MAL2: variants seen among roughly 807,000 people sequenced by gnomAD.
MAL2 encodes the protein mal, T cell differentiation protein 2.
A neutral mutation model predicts 18.1 loss-of-function variants in MAL2; 17 were observed. The observed-to-expected ratio is 0.94, with a 90% confidence interval of 0.64 to 1.41. MAL2 has a LOEUF of 1.41. Among genes scored for constraint, MAL2 ranks in the 40% most tolerant of loss-of-function variants. The pLI, the probability that MAL2 is intolerant of heterozygous loss-of-function variation, is 0.00. For synonymous variants in MAL2, 102 were observed against 102.3 expected, an observed-to-expected ratio of 1.00 and a Z score of 0.02; for missense variants, 222 against 231.9, an observed-to-expected ratio of 0.96 and a Z score of 0.28.
intron 2 of MAL2, among the ~76,000 whole-genome samples, chr8:119,232,858 TTAG>T (rs1817763342): frequency 6.6e-6 from 1 of 152,232 alleles, no homozygotes; most frequent in Non-Finnish European, 1.5e-5. Context: ...TTACATATTA[TTAG>T]GAGCAGGTTG....
At chr8:119,236,427 C>T (rs1817895546) in intron 2 of MAL2, among the ~76,000 whole-genome samples, 1 of 151,616 alleles carries the variant, frequency 6.6e-6, no homozygotes, top group African/African-American at 2.4e-5. Flanking sequence ...TTGAACTCAG[C>T]TCTGCACCAA....
intron 2 of MAL2, 23 bp downstream of exon 2, chr8:119,221,780 C>T (rs779662212): frequency 1.2e-6 from 2 of 1,610,298 alleles, no homozygotes; most frequent in African/African-American, 2.7e-5. Flanking sequence ...TATTTTAAGT[C>T]TATTGCAGGA....
At chr8:119,235,769 G>C (rs1233744345) in intron 2 of MAL2, among the ~76,000 whole-genome samples, 1 of 147,064 alleles carries the variant, frequency 6.8e-6, no homozygotes, top group Non-Finnish European at 1.5e-5. Context: ...CACCAGGCCT[G>C]CCCTAAAAGA....
intron 2 of MAL2, among the ~76,000 whole-genome samples, chr8:119,230,313 T>A (rs141218105): frequency 2.0e-3 from 309 of 151,682 alleles, no homozygotes; most frequent in African/African-American, 7.2e-3. Flanking sequence ...GCGAGAAGTG[T>A]GTTGGGAATT....
intron 2 of MAL2, 151 bp from the exon 3 acceptor site, chr8:119,240,014 C>A: frequency 1.2e-6 from 1 of 849,088 alleles, no homozygotes; most frequent in Non-Finnish European, 1.7e-6. Flanking sequence ...GATAGTCTAA[C>A]ATTTCTAAAG....
rs569244891 is a variant in MAL2, at chr8:119,244,491, T to G, written c.*1003T>G. The G allele has an allele frequency of 3.7e-4, 56 of 152,322 alleles. No homozygotes were observed. Among genetic ancestry groups the G allele is most frequent in the African/African-American group, 1.3e-3 (53 of 41,586 alleles). 9.4% of individuals were successfully genotyped at this position (152,322 alleles called of 1,614,324 possible). A position where few individuals can be genotyped will look rare whatever the true frequency, so the allele number is the denominator to read the frequency against. ...AACTGGTATCTAGCTACTGATGTCT[T>G]ACTTTGAGTTTATTTATGCTTCAGA... On this transcript the variant is annotated 3_prime_UTR_variant, in exon 4 of 4. Coordinates refer to ENST00000614891, the MANE Select transcript of MAL2 (RefSeq NM_052886.3).
At chr8:119,239,160 A>G (rs1312614590) in intron 2 of MAL2, among the ~76,000 whole-genome samples, 1 of 152,256 alleles carries the variant, frequency 6.6e-6, no homozygotes, top group Admixed American at 6.5e-5. Flanking sequence ...TGCAGCCAAA[A>G]AACACATGAA....
chr8:119,237,483 C>CA (rs990761651), intron 2 of MAL2, among the ~76,000 whole-genome samples: 1 of 151,214 alleles, frequency 6.6e-6, no homozygotes, highest in African/African-American at 2.5e-5. Flanking sequence ...GAGAGACAAC[C>CA]AAAAAAGAGA....
Position 119,208,760 on chromosome 8 carries a change from C to T in MAL2, c.132+156C>T, listed in dbSNP as rs1266615804. 7.9e-6 allele frequency: 9 copies of T among 1,141,812 alleles called. No homozygotes were observed. Among genetic ancestry groups the T allele is most frequent in the African/African-American group, 4.8e-5 (3 of 62,180 alleles). The allele number at this position is 1,141,812 out of a possible 1,614,324, so 70.7% of individuals were successfully genotyped here. ...CCCTCCCGGGGTCCTCTCGGTGCCC[C>T]GCGCCGCCGCCCGGGCCCTCCCTCC... is the stretch of plus-strand genomic sequence containing the variant. On this transcript the variant is annotated intron_variant, in intron 1 of 3. Coordinates refer to ENST00000614891, the MANE Select transcript of MAL2 (RefSeq NM_052886.3). This position sits in a 1 kb window ranked among gnomAD's most constrained non-coding sequence, Gnocchi z 4.3.
At chr8:119,222,563 C>T (rs1438312417) in intron 2 of MAL2, among the ~76,000 whole-genome samples, 2 of 151,348 alleles carry the variant, frequency 1.3e-5, no homozygotes, top group African/African-American at 4.9e-5. Flanking sequence ...TGCAGTGGCT[C>T]ATGCCTATAG....
chr8:119,209,387 C>T (rs1817236762), intron 1 of MAL2, among the ~76,000 whole-genome samples: 1 of 152,284 alleles, frequency 6.6e-6, no homozygotes, highest in East Asian at 1.9e-4. Context: ...GTGGGGTTAC[C>T]TGCCTGTCGT....
chr8:119,220,238 T>C (rs1817441243), intron 1 of MAL2, among the ~76,000 whole-genome samples: 1 of 152,232 alleles, frequency 6.6e-6, no homozygotes, highest in Admixed American at 6.5e-5. Context: ...TCTGTCCTTT[T>C]TCTGTTGTGT....
At chr8:119,213,056 AAAG>A (rs1817290592) in intron 1 of MAL2, among the ~76,000 whole-genome samples, 1 of 152,192 alleles carries the variant, frequency 6.6e-6, no homozygotes, top group South Asian at 2.1e-4. Context: ...TAAGGGATGA[AAAG>A]AACCTGAAAT....
chr8:119,243,251 A>G (rs1818082742), intron 3 of MAL2, among the ~76,000 whole-genome samples, 166 bp from the exon 4 acceptor site: 1 of 150,094 alleles, frequency 6.7e-6, no homozygotes, highest in East Asian at 1.9e-4. Context: ...GGAATAAAAC[A>G]GTTGTACAAA....
intron 1 of MAL2, among the ~76,000 whole-genome samples, chr8:119,218,309 T>G (rs1219577516): frequency 6.6e-6 from 1 of 152,126 alleles, no homozygotes; most frequent in Non-Finnish European, 1.5e-5. Context: ...CATGCAGCAT[T>G]TAGTTTCCCT....
intron 1 of MAL2, among the ~76,000 whole-genome samples, chr8:119,213,478 G>T (rs192121608): frequency 9.2e-5 from 14 of 152,176 alleles, no homozygotes; most frequent in Admixed American, 2.0e-4. Context: ...AAAACTGTAG[G>T]TATTTTTTTT....
intron 3 of MAL2, among the ~76,000 whole-genome samples, chr8:119,241,385 A>G (rs1006429920): frequency 5.9e-5 from 9 of 152,138 alleles, no homozygotes; most frequent in African/African-American, 2.2e-4. Context: ...AAAACAGAAT[A>G]AAGAATTGGC....
chr8:119,215,721 A>G (rs1817340855), intron 1 of MAL2: 1 of 152,186 alleles, frequency 6.6e-6, no homozygotes, highest in Non-Finnish European at 1.5e-5. Flanking sequence ...TCATTTCTCT[A>G]TGCTCAGGGG....
At chr8:119,214,706 A>G (rs1222795495) in intron 1 of MAL2, among the ~76,000 whole-genome samples, 1 of 152,212 alleles carries the variant, frequency 6.6e-6, no homozygotes, top group Admixed American at 6.5e-5. Flanking sequence ...TTTAGGTCAC[A>G]TGGGGAGGAA....
Sources: gnomAD v4.1 joint callset for allele counts (sites outside exome capture counted in the v4.1 genomes callset) on GRCh38, gnomAD v4.1.1 for gene constraint, Gnocchi (gnomAD v3.1) non-coding constraint, MANE v1.5 for transcripts, NCBI Gene and HGNC (gene_info 2026-07-23, HGNC 2026-07-21) for gene names.